Variants in CYP4F12 observed in about 807,000 individuals in gnomAD.
CYP4F12 encodes the protein cytochrome P450 4F12.
CYP4F12 carries 60 observed loss-of-function variants against 56.5 expected under a neutral mutation model. The ratio of observed to expected loss-of-function variants is 1.06; its 90% CI spans 0.86 to 1.32. CYP4F12 has a LOEUF of 1.32. CYP4F12 is among the 40% of genes most tolerant of loss of function. The pLI is 0.00. For synonymous variants in CYP4F12, 263 were observed against 264.9 expected (o/e 0.99, Z 0.07); for missense variants, 711 against 683.5 (o/e 1.04, Z -0.45).
intron 2 of CYP4F12, among the ~76,000 whole-genome samples, chr19:15,674,669 C>CACTCACTCATTCCT (rs2006825241): frequency 9.3e-6 from 1 of 107,356 alleles, no homozygotes; most frequent in Non-Finnish European, 2.0e-5. Context: ...TCATTCCTCT[C>CACTCACTCATTCCT]CTCACTCACT....
chr19:15,688,300 A>T (rs1329649008), intron 9 of CYP4F12, among the ~76,000 whole-genome samples: 1 of 151,948 alleles, frequency 6.6e-6, no homozygotes, highest in Admixed American at 6.6e-5. Context: ...CTGGATCATT[A>T]CCCCAGTGAC....
chr19:15,679,622 G>T (rs1395717599), intron 3 of CYP4F12, among the ~76,000 whole-genome samples: 1 of 152,206 alleles, frequency 6.6e-6, no homozygotes, highest in Non-Finnish European at 1.5e-5. Flanking sequence ...TCTGACATGT[G>T]ATTTGAAATT....
chr19:15,683,954 T>A (rs2007458024), intron 7 of CYP4F12, 191 bp downstream of exon 7: 3 of 567,182 alleles, frequency 5.3e-6, no homozygotes, highest in Non-Finnish European at 8.6e-6. Context: ...ATTCTGAAAC[T>A]GTGAGGAGCA....
chr19:15,687,413 A>C (rs1233722006), intron 9 of CYP4F12, among the ~76,000 whole-genome samples: 2 of 152,238 alleles, frequency 1.3e-5, no homozygotes, highest in African/African-American at 4.8e-5. Context: ...TATACAAATA[A>C]GAGTGTATAA....
intron 6 of CYP4F12, among the ~76,000 whole-genome samples, chr19:15,683,251 G>A (rs1013415847): frequency 9.9e-5 from 15 of 152,172 alleles, no homozygotes; most frequent in African/African-American, 3.1e-4. Context: ...GAAGCATGGT[G>A]TCCAAGCTAT....
intron 2 of CYP4F12, among the ~76,000 whole-genome samples, chr19:15,675,455 C>T (rs34221640): frequency 0.56 from 84,968 of 151,974 alleles, 23,991 homozygotes; most frequent in East Asian, 0.71. Context: ...GTGGGAGGAA[C>T]CAGTGCCCAT....
At chr19:15,693,786 T>A (rs1439497986) in intron 9 of CYP4F12, among the ~76,000 whole-genome samples, 1 of 148,846 alleles carries the variant, frequency 6.7e-6, no homozygotes, top group South Asian at 2.1e-4. Flanking sequence ...TGAATGGTAA[T>A]GCCTCGGTTT....
At chr19:15,685,247 T>C in intron 9 of CYP4F12, 50 bp downstream of exon 9, 2 of 1,592,430 alleles carry the variant, frequency 1.3e-6, no homozygotes, top group Admixed American at 1.7e-5. Flanking sequence ...TTGGTTCTGC[T>C]CCCCAAGTGA....
In CYP4F12 at chr19:15,697,040, C is replaced by T. The variant is rs374696674; in HGVS notation, c.1530C>T (p.Gly510=). ...TGGAATTGATCATGCGCGCCGAGGG[C>T]GGGCTTTGGCTGCGGGTGGAGCCCC... ...RKLELIMRAE[G]GLWLRVEPLN... is the part of the protein sequence containing the mutation. The change falls in exon 13 of 13, where the codon GGC becomes GGT. Residue 510 remains glycine (G), a synonymous_variant. Transcript: ENST00000550308. 3.5e-5 allele frequency: 57 copies of T among 1,613,952 alleles called. No homozygotes were observed. Among genetic ancestry groups the T allele is most frequent in the South Asian group, 2.9e-4 (26 of 91,082 alleles).
chr19:15,687,617 C>G (rs1300531786), intron 9 of CYP4F12, among the ~76,000 whole-genome samples: 7 of 151,838 alleles, frequency 4.6e-5, no homozygotes. Flanking sequence ...CTGCATTCTA[C>G]TCTGTGAGAC....
chr19:15,680,546 G>T, intron 5 of CYP4F12, 27 bp downstream of exon 5: 1 of 1,614,030 alleles, frequency 6.2e-7, no homozygotes. Flanking sequence ...CTGGGTCCCA[G>T]ATGGAGTCTT....
At chr19:15,674,085 A>C (rs139584817) in intron 2 of CYP4F12, among the ~76,000 whole-genome samples, 102 of 1,560 alleles carry the variant, frequency 0.065, no homozygotes, top group Non-Finnish European at 0.076. Flanking sequence ...TCATTCCTCT[A>C]CCCACTCACT....
chr19:15,692,453 T>G (rs927539240), intron 9 of CYP4F12, among the ~76,000 whole-genome samples: 5 of 152,172 alleles, frequency 3.3e-5, no homozygotes, highest in African/African-American at 1.2e-4. Context: ...TATTTCTATA[T>G]GGTAAAACTA....
chr19:15,696,734 A>T (rs1369919392), intron 12 of CYP4F12, among the ~76,000 whole-genome samples, 174 bp from the exon 13 acceptor site: 1 of 152,176 alleles, frequency 6.6e-6, no homozygotes, highest in Non-Finnish European at 1.5e-5. Flanking sequence ...AGCTGGAGTC[A>T]GGCCCAGTCT....
intron 9 of CYP4F12, among the ~76,000 whole-genome samples, chr19:15,689,272 A>G (rs561774754): frequency 1.3e-5 from 2 of 152,108 alleles, no homozygotes; most frequent in South Asian, 2.1e-4. Flanking sequence ...ACAAACAAAC[A>G]ATTAGTTCCA....
At chr19:15,696,618 C>T (rs1439609377) in intron 12 of CYP4F12, 106 bp downstream of exon 12, 8 of 1,347,722 alleles carry the variant, frequency 5.9e-6, no homozygotes, top group Non-Finnish European at 8.3e-6. Flanking sequence ...TCCCTCCATT[C>T]CTTCACAGTT....
At chr19:15,684,975 T>C in intron 8 of CYP4F12, 93 bp downstream of exon 8, 2 of 1,568,640 alleles carry the variant, frequency 1.3e-6, no homozygotes, top group South Asian at 1.2e-5. Flanking sequence ...ATTCTGCCCA[T>C]CTTCCCCCTC....
rs1232207695 is a variant in CYP4F12, at chr19:15,673,738, C to G, written c.198+11C>G. 1.2e-6 allele frequency: 2 copies of G among 1,613,484 alleles called. No individual in the cohort carries two copies. Among genetic ancestry groups the G allele is most frequent in the East Asian group, 2.2e-5 (1 of 44,882 alleles). ...GGTCACCTGGGCCTGGTGAGTGTGA[C>G]AGCAAAATGTGTCTGGGGTCTCAGG... On this transcript the variant is annotated intron_variant, in intron 2 of 12. Transcript: ENST00000550308.
intron 2 of CYP4F12, among the ~76,000 whole-genome samples, chr19:15,675,270 C>T (rs74182261): frequency 0.91 from 96,499 of 106,106 alleles, 45,412 homozygotes; most frequent in East Asian, 1. Flanking sequence ...TGCTCACTTA[C>T]AAAAGGCAGG....
Sources: allele counts gnomAD v4.1 joint callset (sites outside exome capture counted in the v4.1 genomes callset), GRCh38; gene constraint gnomAD v4.1.1; transcripts MANE v1.5; gene names NCBI Gene and HGNC (gene_info 2026-07-23, HGNC 2026-07-21).